Variants in ARMCX4 observed in about 807,000 individuals in gnomAD.
The protein encoded by ARMCX4 is armadillo repeat containing X-linked 4, also known as armadillo repeat-containing X-linked protein 4.
Under a neutral mutation model 34.7 loss-of-function variants are expected in ARMCX4, and 3 were observed. That is an observed-to-expected ratio of 0.09 (90% CI 0.04 to 0.22). The LOEUF (loss-of-function observed/expected upper bound fraction) is 0.22. Ranked by LOEUF, ARMCX4 falls within the 10% of genes least tolerant of loss-of-function variation. The pLI, the probability that ARMCX4 is intolerant of heterozygous loss-of-function variation, is 1.00. For synonymous variants in ARMCX4, 513 were observed against 632.8 expected, an observed-to-expected ratio of 0.81 and a Z score of 2.84; for missense variants, 1,448 against 1,720.8, an observed-to-expected ratio of 0.84 and a Z score of 2.81.
At chrX:101,455,664 T>G (rs1212957185) in intron 4 of ARMCX4, among the ~76,000 whole-genome samples, 1 of 112,003 alleles carries the variant, frequency 8.9e-6, no homozygotes, top group Non-Finnish European at 1.9e-5. Flanking sequence ...AATACTTTTT[T>G]TCTCAACTTT....
chrX:101,432,755 T>C (rs1555992488), intron 2 of ARMCX4, among the ~76,000 whole-genome samples: 1 of 65,086 alleles, frequency 1.5e-5, no homozygotes, highest in African/African-American at 4.1e-5. Flanking sequence ...TATATGTGTA[T>C]ATACACGTAT....
At chrX:101,465,157 A>G (rs1260562896) in intron 4 of ARMCX4, among the ~76,000 whole-genome samples, 1 of 111,592 alleles carries the variant, frequency 9.0e-6, no homozygotes, top group East Asian at 2.8e-4. Context: ...AGCAAAAAGT[A>G]AGATGGTAGA....
At chrX:101,433,222 A>G (rs1295675895) in intron 2 of ARMCX4, among the ~76,000 whole-genome samples, 10 of 28,546 alleles carry the variant, frequency 3.5e-4, no homozygotes, top group African/African-American at 5.3e-4. Flanking sequence ...GCACATATAT[A>G]CATATATGTA....
chrX:101,496,743 C>T (rs1197125043), downstream of ARMCX4, among the ~76,000 whole-genome samples: 31 of 111,588 alleles, frequency 2.8e-4, no homozygotes, highest in African/African-American at 9.8e-4. Flanking sequence ...ACCTCTCTCC[C>T]ACCCCATAGT....
chrX:101,529,911 T>C (rs781846094), intron 11 of ARMCX4, among the ~76,000 whole-genome samples: 26 of 112,055 alleles, frequency 2.3e-4, no homozygotes, highest in African/African-American at 7.4e-4. Flanking sequence ...TCAACCATTG[T>C]GGAAGACAGT....
chrX:101,469,222 A>G (rs919929774), intron 4 of ARMCX4, among the ~76,000 whole-genome samples: 8 of 112,270 alleles, frequency 7.1e-5, no homozygotes, highest in Admixed American at 1.9e-4. Context: ...CAGTTATCCA[A>G]TTGTCAAAAT....
downstream of ARMCX4, among the ~76,000 whole-genome samples, chrX:101,448,188 G>A (rs1931759138): frequency 8.9e-6 from 1 of 111,808 alleles, no homozygotes; most frequent in East Asian, 2.8e-4. Context: ...TCTTTTTATG[G>A]CTGAAGAGTA....
At chrX:101,531,221 C>T (rs1556022086) in intron 11 of ARMCX4, among the ~76,000 whole-genome samples, 1 of 111,811 alleles carries the variant, frequency 8.9e-6, no homozygotes, top group African/African-American at 3.2e-5. Flanking sequence ...ACACTGGGCC[C>T]ACCCAGATAG....
chrX:101,437,503 A>G (rs1413657831), intron 2 of ARMCX4, among the ~76,000 whole-genome samples: 1 of 111,281 alleles, frequency 9.0e-6, no homozygotes, highest in African/African-American at 3.3e-5. Flanking sequence ...CCCCTTTATC[A>G]TTTTTTATTG....
At chrX:101,528,999 G>T (rs1345742750) in intron 11 of ARMCX4, among the ~76,000 whole-genome samples, 1 of 111,116 alleles carries the variant, frequency 9.0e-6, no homozygotes. Flanking sequence ...AGTTAATATG[G>T]AACCAAAAAA....
chrX:101,418,916 G>T (rs1929067547), exon 2 of ARMCX4: 1 of 109,275 alleles, frequency 9.2e-6, no homozygotes, highest in East Asian at 2.8e-4. Context: ...CTAGAAACTC[G>T]CATTGTCTAC....
rs1246719918 is a variant in ARMCX4, at chrX:101,493,540, G to A, written c.4951G>A (p.Gly1651Arg). The A allele has an allele frequency of 5.2e-6, 6 of 1,152,938 alleles. No individual in the cohort carries two copies. The African/African-American group carries it at 1.1e-4, about 21-fold the overall frequency. The change falls in exon 6 of 6, where the codon GGG becomes AGG. Residue 1651 changes from glycine (G) to arginine (R), a missense_variant. Physicochemically the swap from Gly to Arg is moderately radical, Grantham distance 125. Transcript: ENST00000423738. ...CAGTGGAAGGTCCTGGATTGGGCCT[G>A]GGGATCAGGCTGTTGACTGTTCCAA... ...QSSGRSWIGP[G>R]DQAVDCSKPE... is the part of the protein sequence containing the mutation.
At chrX:101,438,242 G>A (rs1192183361) in intron 2 of ARMCX4, among the ~76,000 whole-genome samples, 1 of 111,341 alleles carries the variant, frequency 9.0e-6, no homozygotes, top group Non-Finnish European at 1.9e-5. Context: ...TCGTTGATCT[G>A]TCTAATGTTG....
At chrX:101,462,027 T>A (rs1556001284) in intron 4 of ARMCX4, among the ~76,000 whole-genome samples, 1 of 112,368 alleles carries the variant, frequency 8.9e-6, no homozygotes, top group East Asian at 2.8e-4. Context: ...GCAATATTTA[T>A]GTCAGTAAAC....
chrX:101,425,794 C>T (rs1175401707), intron 2 of ARMCX4, among the ~76,000 whole-genome samples: 1 of 110,823 alleles, frequency 9.0e-6, no homozygotes, highest in Admixed American at 9.7e-5. Context: ...AGCGAGACTA[C>T]GGGTCAAGAG....
At position 101,489,986 on chromosome X, in the gene ARMCX4, C is replaced by T. The variant is rs1556008190; in HGVS notation, c.1397C>T (p.Thr466Ile). The change falls in exon 6 of 6, where the codon ACA becomes ATA. Residue 466 changes from threonine (T) to isoleucine (I), a missense_variant. This residue lies in a region of ARMCX4 where 1,343 missense variants were observed against 1,540.7 expected (regional missense o/e 0.87). Coordinates refer to ENST00000423738, the MANE Select transcript of ARMCX4 (RefSeq NM_001256155.3). ...PNVMAKVGDG[T>I]DMLSCTQPQL... ...GTTATGGCTAAGGTGGGGGATGGGA[C>T]AGACATGTTGTCCTGTACACAGCCT... The T allele has an allele frequency of 8.7e-7, 1 of 1,154,556 alleles. No individual in the cohort carries two copies.
At chrX:101,480,213 G>A (rs377036080) in intron 4 of ARMCX4, among the ~76,000 whole-genome samples, 83 of 106,355 alleles carry the variant, frequency 7.8e-4, no homozygotes, top group Non-Finnish European at 6.2e-4. Context: ...ACAAGAAAAG[G>A]TTAATGTTTT....
chrX:101,484,731 A>G (rs1279733797), upstream of ARMCX4, among the ~76,000 whole-genome samples: 1 of 112,514 alleles, frequency 8.9e-6, no homozygotes, highest in Non-Finnish European at 1.9e-5. Context: ...GTCAAGAATT[A>G]CTAGTCAATT....
upstream of ARMCX4, among the ~76,000 whole-genome samples, chrX:101,481,158 A>G (rs1556005352): frequency 9.0e-6 from 1 of 111,465 alleles, no homozygotes. Context: ...TCTTTTGTTG[A>G]CTCTTATATT....
Sources: gnomAD v4.1 joint callset for allele counts (sites outside exome capture counted in the v4.1 genomes callset) on GRCh38, gnomAD v4.1.1 for gene constraint, gnomAD v4.1.1 regional missense constraint, MANE v1.5 for transcripts, NCBI Gene and HGNC (gene_info 2026-07-23, HGNC 2026-07-21) for gene names.